The following RBFOX1 variants were observed in gnomAD, a reference collection of about 807,000 sequenced individuals.
The protein encoded by RBFOX1 is RNA binding fox-1 homolog 1.
In RBFOX1, 8 loss-of-function variants were observed where a neutral mutation model predicts 57.7. The ratio of observed to expected loss-of-function variants is 0.14; its 90% CI spans 0.08 to 0.25. RBFOX1 has a LOEUF of 0.25. Among genes scored for constraint, RBFOX1 ranks in the 10% least tolerant of loss-of-function variants. RBFOX1 has a pLI of 1.00. For missense variants in RBFOX1, 611 were observed against 548.5 expected, an observed-to-expected ratio of 1.11 and a Z score of -1.14; for synonymous variants, 326 against 222.4, an observed-to-expected ratio of 1.47 and a Z score of -4.15.
At chr16:6,494,601 G>A (rs1458322743) in intron 2 of RBFOX1, among the ~76,000 whole-genome samples, 5 of 152,170 alleles carry the variant, frequency 3.3e-5, no homozygotes, top group Non-Finnish European at 7.3e-5. Flanking sequence ...GGATATCTGG[G>A]TTGGCTTTGA....
chr16:7,317,989 G>C (rs891906087), intron 4 of RBFOX1, among the ~76,000 whole-genome samples: 1 of 151,812 alleles, frequency 6.6e-6, no homozygotes, highest in African/African-American at 2.4e-5. Context: ...GGTGATAGTG[G>C]TGGTGACTGT....
rs182511300 is a variant in RBFOX1 at position 6,357,905 on chromosome 16, T to C, written c.-64+40848T>C. On this transcript the variant is annotated intron_variant, in intron 2 of 15. Transcript: ENST00000550418. ...GGTGGAGGTTTCAGTGAGCTTGAGC[T>C]GAGATCGTGCCACTTCACTCCAGCC... is the stretch of plus-strand genomic sequence containing the variant. Among the ~76,000 whole-genome samples, 12 of 149,214 alleles carry C rather than the reference T, an allele frequency of 8.0e-5. No individual in the cohort carries two copies. In the East Asian group the frequency reaches 2.2e-3, roughly 27 times the overall value.
At chr16:7,412,088 A>G (rs753073829) in intron 4 of RBFOX1, among the ~76,000 whole-genome samples, 7 of 152,090 alleles carry the variant, frequency 4.6e-5, no homozygotes, top group Non-Finnish European at 7.4e-5. Flanking sequence ...TGATGTATTC[A>G]TAGTGGTTCC....
At chr16:6,439,232 A>G (rs1326394061) in intron 2 of RBFOX1, among the ~76,000 whole-genome samples, 1 of 152,148 alleles carries the variant, frequency 6.6e-6, no homozygotes. Context: ...CAGGGCAGAT[A>G]GCACATCCTT....
rs907367713 is a variant in RBFOX1 at position 6,252,298 on chromosome 16, T to C, written c.-126-64697T>C. ...GTAAAATGGGCTATTCAATGAGGAG[T>C]CTAGGTGTTGGGAAGAAGAATCTAT... On this transcript the variant is annotated intron_variant, in intron 1 of 15. Transcript: ENST00000550418. Among the ~76,000 whole-genome samples, 5 of 151,848 alleles carry C rather than the reference T, an allele frequency of 3.3e-5. No homozygotes were observed. The South Asian group carries it at 1.0e-3, about 32-fold the overall frequency.
chr16:5,254,636 C>G (rs955177808), intron 1 of RBFOX1, among the ~76,000 whole-genome samples: 7 of 152,154 alleles, frequency 4.6e-5, no homozygotes, highest in African/African-American at 1.7e-4. Flanking sequence ...GAAATTTTCC[C>G]CATTACTACA....
At chr16:6,278,585 T>G (rs1188698832) in intron 1 of RBFOX1, among the ~76,000 whole-genome samples, 2 of 152,036 alleles carry the variant, frequency 1.3e-5, no homozygotes, top group Non-Finnish European at 2.9e-5. Flanking sequence ...CTTTTGAGCT[T>G]TTTCGTAGAT....
chr16:7,216,856 C>A (rs72767304), intron 4 of RBFOX1, among the ~76,000 whole-genome samples: 1 of 151,870 alleles, frequency 6.6e-6, no homozygotes, highest in Non-Finnish European at 1.5e-5. Context: ...AAGTTCTAGT[C>A]ATTTATTCAT....
intron 2 of RBFOX1, among the ~76,000 whole-genome samples, chr16:6,372,017 A>G (rs925509651): frequency 1.3e-5 from 2 of 152,190 alleles, no homozygotes; most frequent in Admixed American, 6.5e-5. Flanking sequence ...ATATTAATTC[A>G]TAGGATTGTT....
In RBFOX1 at chr16:6,265,463, T is replaced by C. The variant is rs372956909; in HGVS notation, c.-126-51532T>C. Among the ~76,000 whole-genome samples the C allele has an allele frequency of 1.8e-3, 281 of 152,232 alleles. 1 individual carries two copies. Among genetic ancestry groups the C allele is most frequent in the African/African-American group, 6.7e-3 (277 of 41,550 alleles). ...TTGTAGTAGAGACGGGGTTTCACCA[T>C]GTTGGCCAGGCTGGTCTCAAACTCC... On this transcript the variant is annotated intron_variant, in intron 1 of 15. Coordinates refer to ENST00000550418, the MANE Select transcript of RBFOX1 (RefSeq NM_018723.4).
chr16:5,973,193 C>T (rs1407278279), intron 4 of RBFOX1, among the ~76,000 whole-genome samples: 5 of 152,006 alleles, frequency 3.3e-5, no homozygotes, highest in Non-Finnish European at 5.9e-5. Flanking sequence ...CTGGACTTAC[C>T]GTCAAAAATA....
intron 2 of RBFOX1, among the ~76,000 whole-genome samples, chr16:6,612,862 A>AT (rs1309776587): frequency 0.12 from 12,061 of 102,808 alleles, 881 homozygotes; most frequent in African/African-American, 0.24. Context: ...AAAAAAAAAA[A>AT]AAATAATAAT....
intron 4 of RBFOX1, among the ~76,000 whole-genome samples, chr16:7,451,996 A>G (rs141343486): frequency 6.6e-6 from 1 of 152,232 alleles, no homozygotes; most frequent in African/African-American, 2.4e-5. Flanking sequence ...CAAAGAGACT[A>G]GTACGACCAA....
intron 4 of RBFOX1, among the ~76,000 whole-genome samples, chr16:7,250,945 G>A (rs1326171218): frequency 6.6e-6 from 1 of 152,148 alleles, no homozygotes; most frequent in Non-Finnish European, 1.5e-5. Flanking sequence ...TTTGAAATAT[G>A]TATATATTGT....
intron 4 of RBFOX1, among the ~76,000 whole-genome samples, chr16:7,266,790 T>C (rs528160964): frequency 1.3e-5 from 2 of 152,202 alleles, no homozygotes; most frequent in South Asian, 4.1e-4. Context: ...TAAGAAAACA[T>C]GTACCGATTA....
At chr16:7,257,848 C>G (rs1251662587) in intron 4 of RBFOX1, among the ~76,000 whole-genome samples, 2 of 152,174 alleles carry the variant, frequency 1.3e-5, no homozygotes, top group African/African-American at 2.4e-5. Flanking sequence ...ATTGGAAGTC[C>G]TTGCATTCTG....
chr16:6,981,223 T>G (rs755284874), intron 3 of RBFOX1, among the ~76,000 whole-genome samples: 1 of 151,966 alleles, frequency 6.6e-6, no homozygotes, highest in Non-Finnish European at 1.5e-5. Context: ...ACCCAGGTAT[T>G]AAGCCTAGTA....
intron 4 of RBFOX1, among the ~76,000 whole-genome samples, chr16:5,905,593 G>C (rs187935375): frequency 6.6e-6 from 1 of 152,106 alleles, no homozygotes; most frequent in Admixed American, 6.6e-5. Flanking sequence ...CACATCTGCC[G>C]TCATGGCTGT....
At chr16:7,213,283 T>C (rs1353865850) in intron 4 of RBFOX1, among the ~76,000 whole-genome samples, 1 of 152,118 alleles carries the variant, frequency 6.6e-6, no homozygotes, top group Non-Finnish European at 1.5e-5. Flanking sequence ...TGCAACACAT[T>C]CGCTGAGGTT....
Sources: gnomAD v4.1 joint callset for allele counts (sites outside exome capture counted in the v4.1 genomes callset) on GRCh38, gnomAD v4.1.1 for gene constraint, MANE v1.5 for transcripts, NCBI Gene and HGNC (gene_info 2026-07-23, HGNC 2026-07-21) for gene names.